Variants in RANBP2 observed in about 807,000 individuals in gnomAD.
RANBP2 encodes the protein E3 SUMO-protein ligase RanBP2.
In RANBP2, 57 loss-of-function variants were observed where a neutral mutation model predicts 303.6. That is an observed-to-expected ratio of 0.19 (90% confidence interval 0.15 to 0.23). The LOEUF (loss-of-function observed/expected upper bound fraction) is 0.23, where lower values mean the gene tolerates loss of function less well. Among genes scored for constraint, RANBP2 ranks in the 10% least tolerant of loss-of-function variants. The pLI is 1.00. For synonymous variants in RANBP2, 1,167 were observed against 1,301.5 expected (o/e 0.90, Z 2.23); for missense variants, 3,138 against 3,780.8 (o/e 0.83, Z 4.46).
the RANBP2 span, chr2:109,760,475 C>T: frequency 2.0e-4 from 190 of 969,058 alleles, 18 homozygotes; most frequent in East Asian, 0.022. Flanking sequence ...GAGCTCGCTG[C>T]TCTCTCTTGA....
At chr2:109,211,398 A>G in the RANBP2 span, among the ~76,000 whole-genome samples, 9 of 152,358 alleles carry the variant, frequency 5.9e-5, no homozygotes, top group African/African-American at 2.2e-4. Flanking sequence ...AGGAGGTGTT[A>G]TAAACAGCAG....
the RANBP2 span, among the ~76,000 whole-genome samples, chr2:109,294,033 A>G: frequency 1.3e-3 from 204 of 152,240 alleles, 1 homozygote; most frequent in African/African-American, 4.6e-3. Flanking sequence ...CCTTCTTGGA[A>G]TGGTCTTTTC....
chr2:108,969,694 C>A, the RANBP2 span, among the ~76,000 whole-genome samples: 1 of 152,156 alleles, frequency 6.6e-6, no homozygotes, highest in African/African-American at 2.4e-5. Context: ...GGCACAGCAC[C>A]ATCTCAGTGC....
chr2:109,056,917 A>G, the RANBP2 span, among the ~76,000 whole-genome samples: 1 of 152,328 alleles, frequency 6.6e-6, no homozygotes, highest in Admixed American at 6.5e-5. Flanking sequence ...ACAGAGTTCA[A>G]TATTATTCCT....
chr2:109,303,078 G>A, the RANBP2 span, among the ~76,000 whole-genome samples: 1 of 152,124 alleles, frequency 6.6e-6, no homozygotes, highest in Non-Finnish European at 1.5e-5. Flanking sequence ...GTTTCATCAT[G>A]CTGGCCAGGC....
the RANBP2 span, among the ~76,000 whole-genome samples, chr2:109,049,107 G>A: frequency 1.3e-5 from 2 of 152,220 alleles, no homozygotes; most frequent in African/African-American, 4.8e-5. Context: ...ATATTTTTCA[G>A]TAGAGCTATC....
At chr2:109,255,801 G>A in the RANBP2 span, among the ~76,000 whole-genome samples, 2 of 152,220 alleles carry the variant, frequency 1.3e-5, no homozygotes, top group African/African-American at 2.4e-5. Flanking sequence ...AAATGAAACC[G>A]CCCTGCCGAC....
At chr2:109,548,241 T>C in the RANBP2 span, among the ~76,000 whole-genome samples, 1 of 152,076 alleles carries the variant, frequency 6.6e-6, no homozygotes, top group Non-Finnish European at 1.5e-5. Context: ...CTGTGCCCTC[T>C]AACAACACAA....
At chr2:109,347,102 C>G in the RANBP2 span, among the ~76,000 whole-genome samples, 2 of 152,172 alleles carry the variant, frequency 1.3e-5, no homozygotes, top group African/African-American at 4.8e-5. Context: ...CAGCTTCAAC[C>G]CCTGGAGCAT....
chr2:109,616,464 G>C, the RANBP2 span: 301 of 169,076 alleles, frequency 1.8e-3, 2 homozygotes, highest in African/African-American at 7.1e-3. Flanking sequence ...ACTCTTTCAA[G>C]AGTAACAAAA....
In RANBP2 at chr2:108,733,170, A is replaced by G. The variant is rs1231589952; in HGVS notation, c.405+1696A>G. 4.0e-5 allele frequency among the ~76,000 whole-genome samples: 6 copies of G among 148,988 alleles called. No homozygotes were observed. In the East Asian group the frequency reaches 5.9e-4, roughly 15 times the overall value. ...TGGCTTCTTCAGTCACCATAATACC[A>G]TTTGTGATCCATATTAAGTTTTGTA... On this transcript the variant is annotated intron_variant, in intron 4 of 28. Coordinates refer to ENST00000283195, the MANE Select transcript of RANBP2 (RefSeq NM_006267.5).
chr2:109,718,200 C>G, the RANBP2 span, among the ~76,000 whole-genome samples: 4 of 152,062 alleles, frequency 2.6e-5, no homozygotes, highest in Non-Finnish European at 5.9e-5. Context: ...ACAATCTGGC[C>G]CAGCACTTCT....
At chr2:109,060,063 C>T in the RANBP2 span, among the ~76,000 whole-genome samples, 80,766 of 151,882 alleles carry the variant, frequency 0.53, 22,082 homozygotes, top group East Asian at 0.81. Context: ...GACATTTTGA[C>T]AATGTGTCTT....
chr2:108,782,678 C>T lies in RANBP2; in HGVS notation c.9185C>T (p.Thr3062Ile), dbSNP rs1343299424. Residue 3062 changes from threonine to isoleucine, a missense_variant, in exon 28 of 29, where the codon ACC (threonine) becomes ATC (isoleucine). Thr to Ile is a moderately conservative substitution (Grantham distance 89, BLOSUM62 -1). Transcript: ENST00000283195. ...CTGGCAGCAGAATTATCAAAGGAGACCAATCCTGTGGTGTTTTTTGATGTT... is the reference window on the plus strand; with the variant it reads ...CTGGCAGCAGAATTATCAAAGGAGATCAATCCTGTGGTGTTTTTTGATGTT... Reference protein sequence around the residue: ...VSLAAELSKETNPVVFFDVCA... With the variant: ...VSLAAELSKEINPVVFFDVCA... 6.2e-7 allele frequency: 1 copy of T among 1,614,166 alleles called. No homozygotes were observed.
chr2:109,102,877 G>T, the RANBP2 span, among the ~76,000 whole-genome samples: 2 of 152,174 alleles, frequency 1.3e-5, no homozygotes, highest in South Asian at 2.1e-4. Flanking sequence ...ATTATTTAAT[G>T]AATTGCTTTG....
chr2:109,118,599 T>C, the RANBP2 span, among the ~76,000 whole-genome samples: 1 of 151,680 alleles, frequency 6.6e-6, no homozygotes, highest in Non-Finnish European at 1.5e-5. Flanking sequence ...GTTTTATTCA[T>C]CTGTTTTTTG....
At chr2:109,327,875 GTTTA>G in the RANBP2 span, among the ~76,000 whole-genome samples, 1 of 152,148 alleles carries the variant, frequency 6.6e-6, no homozygotes, top group African/African-American at 2.4e-5. Flanking sequence ...TTTTGTGTCA[GTTTA>G]GCAATTCATT....
chr2:109,284,471 G>A, the RANBP2 span, among the ~76,000 whole-genome samples: 10 of 152,102 alleles, frequency 6.6e-5, no homozygotes, highest in Admixed American at 6.5e-4. Context: ...ATGCAGAAGG[G>A]GACACACCCC....
At chr2:109,097,804 G>T in the RANBP2 span, among the ~76,000 whole-genome samples, 2 of 151,512 alleles carry the variant, frequency 1.3e-5, no homozygotes, top group Admixed American at 1.3e-4. Flanking sequence ...CTGTAGGCCT[G>T]CTTGCTTCAA....
Sources: allele counts gnomAD v4.1 joint callset (sites outside exome capture counted in the v4.1 genomes callset), GRCh38; gene constraint gnomAD v4.1.1; transcripts MANE v1.5; gene names NCBI Gene and HGNC (gene_info 2026-07-23, HGNC 2026-07-21).